STXBP4: variants seen among roughly 807,000 people sequenced by gnomAD.
STXBP4 encodes the protein syntaxin-binding protein 4.
Under a neutral mutation model 76.1 loss-of-function variants are expected in STXBP4, and 55 were observed. The observed-to-expected ratio is 0.72, with a 90% CI of 0.58 to 0.91. STXBP4 has a LOEUF of 0.91. Among genes scored for constraint, STXBP4 ranks in the 40% least tolerant of loss-of-function variants. The pLI is 0.00. For synonymous variants in STXBP4, 201 were observed against 220.2 expected, an observed-to-expected ratio of 0.91 and a Z score of 0.77; for missense variants, 618 against 636.9, an observed-to-expected ratio of 0.97 and a Z score of 0.32.
At chr17:55,129,005 C>T (rs1346400018) in intron 16 of STXBP4, among the ~76,000 whole-genome samples, 2 of 148,254 alleles carry the variant, frequency 1.3e-5, no homozygotes, top group Non-Finnish European at 3.0e-5. Context: ...TCTTGGCTCA[C>T]TGCAACCTCC....
At chr17:55,006,664 A>T (rs2078013442) in intron 7 of STXBP4, among the ~76,000 whole-genome samples, 1 of 152,176 alleles carries the variant, frequency 6.6e-6, no homozygotes, top group Non-Finnish European at 1.5e-5. Context: ...GAAGTGTATG[A>T]CTTTTAGCTC....
intron 1 of STXBP4, among the ~76,000 whole-genome samples, chr17:54,979,124 G>A (rs185848084): frequency 2.6e-5 from 4 of 152,174 alleles, no homozygotes; most frequent in African/African-American, 9.6e-5. Flanking sequence ...TCCTGCCTTT[G>A]GTAGACAAAC....
chr17:55,206,969 T>A, the STXBP4 span, among the ~76,000 whole-genome samples: 1 of 151,758 alleles, frequency 6.6e-6, no homozygotes, highest in Non-Finnish European at 1.5e-5. Context: ...AAATTCTGGC[T>A]CCTTCATGGA....
chr17:55,151,248 A>G (rs1378172269), intron 17 of STXBP4, among the ~76,000 whole-genome samples: 1 of 152,064 alleles, frequency 6.6e-6, no homozygotes, highest in African/African-American at 2.4e-5. Context: ...TAGAGTGGGG[A>G]GGGTAGTGGT....
chr17:55,134,166 G>A (rs171510), intron 16 of STXBP4, among the ~76,000 whole-genome samples: 96,768 of 151,608 alleles, frequency 0.64, 31,752 homozygotes, highest in African/African-American at 0.79. Flanking sequence ...AGAGAAAAGC[G>A]GAGTGTGTGA....
intron 1 of STXBP4, among the ~76,000 whole-genome samples, chr17:54,972,105 G>C (rs549233179): frequency 6.6e-6 from 1 of 152,188 alleles, no homozygotes; most frequent in Non-Finnish European, 1.5e-5. Flanking sequence ...AATTTATTCC[G>C]TGGTTTCATG....
chr17:55,024,040 C>A (rs1297335591), intron 8 of STXBP4, among the ~76,000 whole-genome samples: 4 of 149,602 alleles, frequency 2.7e-5, no homozygotes, highest in Non-Finnish European at 4.4e-5. Flanking sequence ...AGTAAAAAAA[C>A]TGATGGCAGT....
rs75674713 is a variant in STXBP4, at chr17:55,117,345, T to C, written c.1490-23965T>C. ...CAGCCTTTCCTCTTCTCTCAGCCAA[T>C]AGTGTAAAAGATTAGTTGTAAAATT... On this transcript the variant is annotated intron_variant, in intron 16 of 17. Transcript: ENST00000376352. Among the ~76,000 whole-genome samples, 527 of 151,940 alleles carry C rather than the reference T, an allele frequency of 3.5e-3. 13 individuals are homozygous for C. The highest frequency in any genetic ancestry group is 0.027 in the Middle Eastern group (8 of 294).
At chr17:55,152,744 C>T (rs2080229676) in intron 17 of STXBP4, among the ~76,000 whole-genome samples, 1 of 152,098 alleles carries the variant, frequency 6.6e-6, no homozygotes, top group Admixed American at 6.6e-5. Context: ...ATTACAGGTC[C>T]CTCCCTTGAC....
rs1216386477 is a variant in STXBP4 at position 55,000,808 on chromosome 17, A to G, written c.499A>G (p.Ile167Val). Reference protein sequence around the residue: ...TNNDILSSCEIKTGYNKTVQI... With the variant: ...TNNDILSSCEVKTGYNKTVQI... ...GCATGTTCCTCATTTTCTTTCACAG[A>G]TAAAAACTGGATACAACAAAACAGT... Residue 167 changes from isoleucine (I) to valine (V), a missense_variant and splice_region_variant, in exon 7 of 18, where the codon ATA becomes GTA. Transcript: ENST00000376352. The G allele has an allele frequency of 1.2e-6, 2 of 1,605,252 alleles. No homozygotes were observed. Among genetic ancestry groups the G allele is most frequent in the South Asian group, 1.1e-5 (1 of 90,724 alleles).
At chr17:55,092,952 A>C (rs1368990396) in intron 16 of STXBP4, among the ~76,000 whole-genome samples, 1 of 151,316 alleles carries the variant, frequency 6.6e-6, no homozygotes, top group African/African-American at 2.4e-5. Context: ...TGAATTTATT[A>C]AACAAAAAAA....
intron 4 of STXBP4, among the ~76,000 whole-genome samples, chr17:54,997,278 C>T (rs992170393): frequency 2.0e-5 from 3 of 152,066 alleles, no homozygotes; most frequent in Non-Finnish European, 4.4e-5. Context: ...GCTATGAATA[C>T]TTTTTAGAAA....
intron 16 of STXBP4, among the ~76,000 whole-genome samples, chr17:55,135,704 T>G (rs1009924180): frequency 3.3e-5 from 5 of 152,238 alleles, no homozygotes; most frequent in Middle Eastern, 3.4e-3. Context: ...ATGTAATGTC[T>G]CTAAAATACA....
chr17:55,047,835 A>T (rs1276851436), intron 12 of STXBP4, among the ~76,000 whole-genome samples: 2 of 151,920 alleles, frequency 1.3e-5, no homozygotes, highest in Non-Finnish European at 1.5e-5. Context: ...GTGACAAAAA[A>T]ACACCACAGC....
chr17:55,031,148 A>G lies in STXBP4; in HGVS notation c.667-20A>G, dbSNP rs777892562. On this transcript the variant is annotated intron_variant, in intron 8 of 17. Transcript: ENST00000376352. ...TTGGAGATTTGAAAAATTGCTTTTC[A>G]TGAGTCCTTTATCTTCCAGGCTCTA... The G allele has an allele frequency of 6.3e-7, 1 of 1,597,218 alleles. No homozygotes were observed. Among genetic ancestry groups the G allele is most frequent in the South Asian group, 1.1e-5 (1 of 89,962 alleles).
intron 16 of STXBP4, among the ~76,000 whole-genome samples, chr17:55,138,611 C>T (rs773086408): frequency 2.6e-5 from 4 of 151,716 alleles, no homozygotes; most frequent in Non-Finnish European, 5.9e-5. Context: ...GTTGTCATAA[C>T]GTTTTTAAAA....
rs896241334 is a variant in STXBP4, at chr17:55,011,432, G to A, written c.666+3835G>A. ...CTCCCCAAAAGAGGGGAAATTTTGA[G>A]TTCGTCATTTCTGTATTTTTCAAAA... On this transcript the variant is annotated intron_variant, in intron 8 of 17. Transcript: ENST00000376352. Among the ~76,000 whole-genome samples the A allele has an allele frequency of 4.8e-5, 7 of 145,974 alleles. No individual in the cohort carries two copies. In the South Asian group the frequency reaches 1.1e-3, roughly 23 times the overall value.
intron 13 of STXBP4, among the ~76,000 whole-genome samples, chr17:55,074,538 A>G (rs2079157661): frequency 6.6e-6 from 1 of 152,182 alleles, no homozygotes; most frequent in Non-Finnish European, 1.5e-5. Context: ...TTACTTTTGA[A>G]GTGAAAAATC....
At chr17:55,048,316 C>CA (rs1037904900) in intron 12 of STXBP4, among the ~76,000 whole-genome samples, 13 of 151,962 alleles carry the variant, frequency 8.6e-5, no homozygotes, top group Admixed American at 3.3e-4. Context: ...ACCATCAAAA[C>CA]AAGATCCATA....
Sources: allele counts gnomAD v4.1 joint callset (sites outside exome capture counted in the v4.1 genomes callset), GRCh38; gene constraint gnomAD v4.1.1; transcripts MANE v1.5; gene names NCBI Gene and HGNC (gene_info 2026-07-23, HGNC 2026-07-21).